Variants in CACNG3 observed in about 807,000 individuals in gnomAD.
The protein encoded by CACNG3 is calcium voltage-gated channel auxiliary subunit gamma 3.
In CACNG3, 3 loss-of-function variants were observed where a neutral mutation model predicts 28.5. The ratio of observed to expected loss-of-function variants is 0.11; its 90% CI spans 0.05 to 0.27. The LOEUF (loss-of-function observed/expected upper bound fraction) is 0.27. CACNG3 is among the 10% of genes least tolerant of loss of function. The probability of loss-of-function intolerance (pLI) is 1.00; values close to 1 mark genes in which losing one functional copy is unlikely to be tolerated. For synonymous variants in CACNG3, 174 were observed against 162.2 expected, an observed-to-expected ratio of 1.07 and a Z score of -0.55; for missense variants, 236 against 414.4, an observed-to-expected ratio of 0.57 and a Z score of 3.74.
intron 1 of CACNG3, among the ~76,000 whole-genome samples, chr16:24,272,533 T>G (rs1411194170): frequency 6.6e-6 from 1 of 152,138 alleles, no homozygotes; most frequent in African/African-American, 2.4e-5. Context: ...TTATTTTCAT[T>G]TTTTGTCATG....
intron 1 of CACNG3, among the ~76,000 whole-genome samples, chr16:24,338,943 C>T (rs891356103): frequency 9.2e-5 from 14 of 152,194 alleles, no homozygotes; most frequent in Non-Finnish European, 1.9e-4. Flanking sequence ...ATCACACATG[C>T]TATTCCCTCT....
intron 1 of CACNG3, among the ~76,000 whole-genome samples, chr16:24,277,230 G>A (rs1898763774): frequency 6.6e-6 from 1 of 152,190 alleles, no homozygotes; most frequent in Non-Finnish European, 1.5e-5. Flanking sequence ...AGCAGGACCA[G>A]CATATGACCT....
intron 1 of CACNG3, among the ~76,000 whole-genome samples, chr16:24,312,965 G>T (rs1055796624): frequency 2.0e-5 from 2 of 99,634 alleles, no homozygotes; most frequent in African/African-American, 7.6e-5. Context: ...GAGAAAGAAA[G>T]AAAAGAAAGA....
At chr16:24,270,294 T>C (rs1255422537) in intron 1 of CACNG3, among the ~76,000 whole-genome samples, 1 of 152,214 alleles carries the variant, frequency 6.6e-6, no homozygotes, top group African/African-American at 2.4e-5. Context: ...TACAAATCAT[T>C]TTGACCCTTT....
chr16:24,344,696 G>A (rs1596650210), intron 1 of CACNG3, among the ~76,000 whole-genome samples: 1 of 152,146 alleles, frequency 6.6e-6, no homozygotes, highest in East Asian at 1.9e-4. Context: ...TGCCTGGTAA[G>A]CGGAGAATCA....
intron 1 of CACNG3, among the ~76,000 whole-genome samples, chr16:24,262,521 C>A (rs983124126): frequency 6.6e-6 from 1 of 152,234 alleles, no homozygotes; most frequent in Non-Finnish European, 1.5e-5. Flanking sequence ...CAACTCCCCA[C>A]CACCACTGCA....
intron 1 of CACNG3, among the ~76,000 whole-genome samples, chr16:24,272,135 AAG>A (rs1190916381): frequency 2.0e-5 from 3 of 152,112 alleles, no homozygotes; most frequent in African/African-American, 7.2e-5. Context: ...AAAAAAAAGA[AAG>A]AAATCCTGGA....
chr16:24,333,217 C>T (rs948345257), intron 1 of CACNG3, among the ~76,000 whole-genome samples: 1 of 152,044 alleles, frequency 6.6e-6, no homozygotes, highest in African/African-American at 2.4e-5. Context: ...CCTGCCACTC[C>T]GAAATCAACA....
At chr16:24,320,414 C>A (rs1458470809) in intron 1 of CACNG3, among the ~76,000 whole-genome samples, 1 of 152,154 alleles carries the variant, frequency 6.6e-6, no homozygotes, top group Non-Finnish European at 1.5e-5. Context: ...AGATTTTGCT[C>A]CCAAATAAGT....
intron 1 of CACNG3, among the ~76,000 whole-genome samples, chr16:24,273,837 T>A (rs1403390824): frequency 6.6e-6 from 1 of 152,202 alleles, no homozygotes; most frequent in East Asian, 1.9e-4. Flanking sequence ...TCTGATGGAC[T>A]CAAGGAGTTT....
intron 1 of CACNG3, among the ~76,000 whole-genome samples, chr16:24,282,213 C>G (rs933080535): frequency 3.9e-5 from 6 of 152,150 alleles, no homozygotes; most frequent in South Asian, 2.1e-4. Context: ...GTGCTTTGCT[C>G]TAGGTCAAAC....
intron 1 of CACNG3, among the ~76,000 whole-genome samples, chr16:24,265,868 T>C (rs1898603200): frequency 6.6e-6 from 1 of 152,220 alleles, no homozygotes; most frequent in Non-Finnish European, 1.5e-5. Context: ...ATATTTACTA[T>C]CTTGCCTTTT....
At chr16:24,304,565 C>T (rs1028367770) in intron 1 of CACNG3, among the ~76,000 whole-genome samples, 3 of 152,088 alleles carry the variant, frequency 2.0e-5, no homozygotes, top group East Asian at 1.9e-4. Context: ...ACAGCACAGA[C>T]TGGGGTATTT....
intron 1 of CACNG3, among the ~76,000 whole-genome samples, chr16:24,340,722 A>G (rs547185470): frequency 6.6e-6 from 1 of 152,096 alleles, no homozygotes; most frequent in Admixed American, 6.6e-5. Flanking sequence ...CTGCACTTCA[A>G]CACCTCCGGA....
chr16:24,303,983 G>C (rs1005454477), intron 1 of CACNG3, among the ~76,000 whole-genome samples: 1 of 152,168 alleles, frequency 6.6e-6, no homozygotes, highest in Admixed American at 6.5e-5. Context: ...GGTGGGATGA[G>C]CCCAGGAGTT....
At chr16:24,320,186 T>G (rs973017041) in intron 1 of CACNG3, among the ~76,000 whole-genome samples, 4 of 152,246 alleles carry the variant, frequency 2.6e-5, no homozygotes, top group African/African-American at 9.6e-5. Context: ...GTGCTCATTA[T>G]GGTATAGGTC....
rs1365835395 is a variant in CACNG3, at chr16:24,361,747, A to G, written c.832A>G (p.Thr278Ala). The G allele has an allele frequency of 2.5e-6, 4 of 1,613,662 alleles. No individual in the cohort carries two copies. Among genetic ancestry groups the G allele is most frequent in the Non-Finnish European group, 3.4e-6 (4 of 1,179,938 alleles). Reference sequence around the variant, plus strand: ...GGACCCCTCAAAGATCACCATGGGGACCCTCCTCAACTCCGACCGGGACCA... The same window carrying G: ...GGACCCCTCAAAGATCACCATGGGGGCCCTCCTCAACTCCGACCGGGACCA... ...SRDPSKITMG[T>A]LLNSDRDHAF... The change falls in exon 4 of 4, where the codon ACC becomes GCC. Residue 278 changes from threonine to alanine, a missense_variant. Transcript: ENST00000005284. The surrounding 1 kb of genome is among the most constrained non-coding windows in gnomAD (Gnocchi z 6.8).
chr16:24,357,981 A>G (rs553192710), intron 3 of CACNG3, among the ~76,000 whole-genome samples: 6 of 152,216 alleles, frequency 3.9e-5, no homozygotes, highest in Non-Finnish European at 8.8e-5. Flanking sequence ...CCTGACGGGA[A>G]GGCAGAGGCT....
intron 1 of CACNG3, among the ~76,000 whole-genome samples, chr16:24,271,963 T>C (rs1224202766): frequency 6.6e-6 from 1 of 152,146 alleles, no homozygotes; most frequent in Non-Finnish European, 1.5e-5. Context: ...CCTCTTCAAG[T>C]ACTCGGGGCT....
Sources: gnomAD v4.1 joint callset for allele counts (sites outside exome capture counted in the v4.1 genomes callset) on GRCh38, gnomAD v4.1.1 for gene constraint, Gnocchi (gnomAD v3.1) non-coding constraint, MANE v1.5 for transcripts, NCBI Gene and HGNC (gene_info 2026-07-23, HGNC 2026-07-21) for gene names.